FSD2: variants seen among roughly 807,000 people sequenced by gnomAD.
The protein encoded by FSD2 is fibronectin type III and SPRY domain-containing protein 2.
Under a neutral mutation model 80.4 loss-of-function variants are expected in FSD2, and 71 were observed. The ratio of observed to expected loss-of-function variants is 0.88; its 90% confidence interval spans 0.73 to 1.08. The LOEUF is 1.08. FSD2 is among the 50% of genes least tolerant of loss of function. FSD2 has a pLI of 0.00. For synonymous variants in FSD2, 361 were observed against 329.5 expected (o/e 1.10, Z -1.03); for missense variants, 923 against 913.8 (o/e 1.01, Z -0.13).
chr15:82,805,526 G>T (rs953772139), intron 1 of FSD2, among the ~76,000 whole-genome samples: 6 of 152,150 alleles, frequency 3.9e-5, no homozygotes, highest in Admixed American at 3.9e-4. Context: ...TAATTACGAT[G>T]CTGTTTTTTA....
intron 11 of FSD2, among the ~76,000 whole-genome samples, chr15:82,763,724 C>G (rs2151487555): frequency 6.6e-6 from 1 of 152,274 alleles, no homozygotes. Flanking sequence ...AGCTCACGTT[C>G]TACCATGCAC....
chr15:82,757,845 G>A lies in FSD2; in HGVS notation c.*1503C>T, dbSNP rs1476499549. The A allele has an allele frequency of 6.6e-6, 1 of 152,200 alleles. No individual in the cohort carries two copies. Among genetic ancestry groups the A allele is most frequent in the African/African-American group, 2.4e-5 (1 of 41,432 alleles). The allele number at this position is 152,200 out of a possible 1,614,324, so 9.4% of individuals were successfully genotyped here. A position where few individuals can be genotyped will look rare whatever the true frequency, so the allele number is the denominator to read the frequency against. ...TATACGAGTAGGCAGAGTTTAGTAG[G>A]AGATGAGAGTCTTTCAGTTTGTCAG... On this transcript the variant is annotated 3_prime_UTR_variant, in exon 13 of 13. Transcript: ENST00000334574.
rs201500466 is a variant in FSD2, at chr15:82,759,466, A to G, written c.2132T>C (p.Leu711Pro). Residue 711 changes from leucine (L) to proline (P), a missense_variant, in exon 13 of 13, where the codon CTA (leucine) becomes CCA (proline). Physicochemically the swap from Leu to Pro is moderately conservative, Grantham distance 98 (BLOSUM62 -3). Coordinates refer to ENST00000334574, the MANE Select transcript of FSD2 (RefSeq NM_001007122.4). Reference protein sequence around the residue: ...SFFNVDLSQHLYTFSCQLHEF... With the variant: ...SFFNVDLSQHPYTFSCQLHEF... ...GTGAAGCTGACAACTAAATGTATAT[A>G]GATGCTGAGAAAGGTCCACATTGAA... The G allele has an allele frequency of 1.2e-4, 186 of 1,613,484 alleles. No individual in the cohort carries two copies. The highest frequency in any genetic ancestry group is 1.5e-4 in the Non-Finnish European group (179 of 1,179,724).
intron 6 of FSD2, among the ~76,000 whole-genome samples, chr15:82,778,129 T>TATATATATATATATATAC (rs2049761638): frequency 1.5e-5 from 1 of 68,630 alleles, no homozygotes; most frequent in African/African-American, 5.7e-5. Flanking sequence ...AAAAAAACCA[T>TATATATATATATATATAC]ATATATATAT....
chr15:82,784,106 C>T (rs960326154), intron 3 of FSD2, among the ~76,000 whole-genome samples: 1 of 152,006 alleles, frequency 6.6e-6, no homozygotes, highest in Non-Finnish European at 1.5e-5. Flanking sequence ...AGGACTTGCT[C>T]AGAATGGTGG....
rs1415210358 is a variant in FSD2, at chr15:82,805,995, A to T, written c.-108T>A. The T allele has an allele frequency of 1.3e-5, 2 of 152,196 alleles. No individual in the cohort carries two copies. Among genetic ancestry groups the T allele is most frequent in the Non-Finnish European group, 2.9e-5 (2 of 68,038 alleles). The allele number at this position is 152,196 out of a possible 1,614,324, so 9.4% of individuals were successfully genotyped here. A position where few individuals can be genotyped will look rare whatever the true frequency, so the allele number is the denominator to read the frequency against. The stretch of plus-strand genomic sequence containing the variant: ...TAAGCGTCCATAAATGCTTCCTTTA[A>T]CTCAGAGGACCTGGAGTTCTGCTAG... On this transcript the variant is annotated 5_prime_UTR_variant, in exon 1 of 13. Coordinates refer to ENST00000334574, the MANE Select transcript of FSD2 (RefSeq NM_001007122.4).
intron 6 of FSD2, among the ~76,000 whole-genome samples, chr15:82,774,606 A>G (rs1290268409): frequency 6.6e-6 from 1 of 152,222 alleles, no homozygotes; most frequent in Non-Finnish European, 1.5e-5. Flanking sequence ...CTTAACCTCT[A>G]TGCTAAAAAC....
intron 6 of FSD2, among the ~76,000 whole-genome samples, chr15:82,776,695 C>G (rs2049721332): frequency 6.6e-6 from 1 of 152,070 alleles, no homozygotes; most frequent in Non-Finnish European, 1.5e-5. Context: ...CAATCCCTAT[C>G]AAAATCCCAA....
At chr15:82,781,798 G>A (rs1486394162) in intron 4 of FSD2, among the ~76,000 whole-genome samples, 2 of 151,792 alleles carry the variant, frequency 1.3e-5, no homozygotes, top group African/African-American at 2.4e-5. Flanking sequence ...GGTGGCTCAC[G>A]CCTGTAATCT....
chr15:82,794,413 G>C (rs1252336050), intron 1 of FSD2, among the ~76,000 whole-genome samples: 1 of 152,148 alleles, frequency 6.6e-6, no homozygotes, highest in Non-Finnish European at 1.5e-5. Flanking sequence ...GTCTGTCTTA[G>C]AGAACGTTCC....
intron 4 of FSD2, 69 bp downstream of exon 4, chr15:82,782,726 C>T: frequency 7.5e-7 from 1 of 1,332,596 alleles, no homozygotes; most frequent in Non-Finnish European, 1.1e-6. Context: ...TCAACCATAA[C>T]TGTCGTTTCC....
intron 9 of FSD2, 71 bp downstream of exon 9, chr15:82,768,809 A>G: frequency 1.3e-5 from 17 of 1,292,152 alleles, no homozygotes; most frequent in Non-Finnish European, 1.6e-5. Flanking sequence ...CAGACTCCGT[A>G]TACTTCCTAA....
chr15:82,761,750 A>G (rs1176241130), intron 12 of FSD2, among the ~76,000 whole-genome samples: 1 of 151,514 alleles, frequency 6.6e-6, no homozygotes, highest in Admixed American at 6.6e-5. Context: ...TCCAGGGCTC[A>G]AACAATACTC....
Position 82,772,134 on chromosome 15 carries a change from C to T in FSD2, c.1206G>A (p.Val402=). ...VCWSLYSDDT[V]ESYQLSYRPV... ...GCCGGTAGGACAGCTGATAGCTCTCCACAGTGTCGTCGGAGTATAAGCTCC... is the reference window on the plus strand; with the variant it reads ...GCCGGTAGGACAGCTGATAGCTCTCTACAGTGTCGTCGGAGTATAAGCTCC... Residue 402 remains valine (V), a synonymous_variant, in exon 7 of 13, where the codon GTG becomes GTA. Transcript: ENST00000334574. 6.2e-7 allele frequency: 1 copy of T among 1,610,126 alleles called. No homozygotes were observed.
rs763776215 is a variant in FSD2 at position 82,765,190 on chromosome 15, G to A, written c.1796C>T (p.Ser599Leu). The A allele has an allele frequency of 1.2e-6, 2 of 1,605,806 alleles. No homozygotes were observed. The highest frequency in any genetic ancestry group is 1.7e-6 in the Non-Finnish European group (2 of 1,175,646). ...CCTGGTGAAGTGAGTGTCGCTGGGT[G>A]ACAGCTCCCTGGCGGGGGTTCTCCT... Reference protein sequence around the residue: ...SERRTPARELSPSDTHFTRCV... With the variant: ...SERRTPARELLPSDTHFTRCV... The change falls in exon 11 of 13, where the codon TCA (serine) becomes TTA (leucine). Residue 599 changes from serine (S) to leucine (L), a missense_variant. Coordinates refer to ENST00000334574, the MANE Select transcript of FSD2 (RefSeq NM_001007122.4).
At chr15:82,765,791 C>G in intron 10 of FSD2, 107 bp downstream of exon 10, 1 of 1,388,668 alleles carries the variant, frequency 7.2e-7, no homozygotes, top group Non-Finnish European at 9.6e-7. Flanking sequence ...GCCACGTGTC[C>G]ACATCTGTGC....
At position 82,783,002 on chromosome 15, in the gene FSD2, T is replaced by C. The variant is rs2151514798; in HGVS notation, c.759A>G (p.Gln253=). ...TVEENFGKQE[Q]NFESHYNEIL... Reference sequence around the variant, plus strand: ...TCTCGTTGTAATGTGACTCAAAGTTTTGTTCTTGTTTTCCAAAATTCTCCT... The same window carrying C: ...TCTCGTTGTAATGTGACTCAAAGTTCTGTTCTTGTTTTCCAAAATTCTCCT... Residue 253 remains glutamine (Q), a synonymous_variant, in exon 4 of 13, where the codon CAA becomes CAG. Transcript: ENST00000334574. 6.2e-7 allele frequency: 1 copy of C among 1,612,034 alleles called. No homozygotes were observed. Among genetic ancestry groups the C allele is most frequent in the Non-Finnish European group, 8.5e-7 (1 of 1,179,456 alleles).
chr15:82,799,230 GA>G (rs895321658), intron 1 of FSD2, among the ~76,000 whole-genome samples: 37 of 152,160 alleles, frequency 2.4e-4, no homozygotes, highest in African/African-American at 8.9e-4. Context: ...GCCTAATTTG[GA>G]AATTCATGGA....
In FSD2 at chr15:82,765,979, GC is replaced by G; in HGVS notation, c.1605del (p.Arg536GlyfsTer17). ...GCTCGCACATAGATAATGTAGCTCC[GC>G]CCCGGCTGCAGCTGCACCACGGACT... ...TCESVVQLQPGRSYIIYVRAL... is the reference protein window; with the variant it reads ...TCESVVQLQPXRSYIIYVRAL... On this transcript the variant is annotated frameshift_variant, in exon 10 of 13. Coordinates refer to ENST00000334574, the MANE Select transcript of FSD2 (RefSeq NM_001007122.4). LOFTEE classifies it high-confidence loss of function. 6.3e-7 allele frequency: 1 copy of G among 1,599,628 alleles called. No individual in the cohort carries two copies. Among genetic ancestry groups the G allele is most frequent in the Non-Finnish European group, 8.5e-7 (1 of 1,174,108 alleles).
Sources: allele counts gnomAD v4.1 joint callset (sites outside exome capture counted in the v4.1 genomes callset), GRCh38; gene constraint gnomAD v4.1.1; transcripts MANE v1.5; gene names NCBI Gene and HGNC (gene_info 2026-07-23, HGNC 2026-07-21).